The following TEX52 variants were observed in gnomAD, a reference collection of about 807,000 sequenced individuals.
TEX52 encodes testis-expressed protein 52.
A neutral mutation model predicts 17.6 loss-of-function variants in TEX52; 22 were observed. That is an observed-to-expected ratio of 1.25 (90% CI 0.89 to 1.78). The LOEUF (loss-of-function observed/expected upper bound fraction) is 1.78, where lower values mean the gene tolerates loss of function less well. Among genes scored for constraint, TEX52 ranks in the 40% most tolerant of loss-of-function variants. The pLI is 0.00. For synonymous variants in TEX52, 168 were observed against 147.4 expected (o/e 1.14, Z -1.01); for missense variants, 396 against 372.3 (o/e 1.06, Z -0.52).
downstream of TEX52, among the ~76,000 whole-genome samples, chr12:2,848,169 G>T (rs1182525240): frequency 6.6e-6 from 1 of 152,220 alleles, no homozygotes; most frequent in Non-Finnish European, 1.5e-5. Flanking sequence ...ATTCCCAGGT[G>T]CCTGCAGGGC....
intron 2 of TEX52, among the ~76,000 whole-genome samples, chr12:2,851,635 G>A (rs1049311074): frequency 1.4e-5 from 2 of 143,422 alleles, no homozygotes; most frequent in East Asian, 4.3e-4. Flanking sequence ...GAGCCACCAC[G>A]CCCGGCCGCT....
chr12:2,854,585 C>CT (rs960410363), intron 2 of TEX52, among the ~76,000 whole-genome samples: 64 of 152,278 alleles, frequency 4.2e-4, no homozygotes, highest in Middle Eastern at 3.4e-3. Context: ...CATGTGTAGC[C>CT]TTTTTTTGAT....
chr12:2,848,519 T>C (rs991212269), downstream of TEX52, among the ~76,000 whole-genome samples: 1 of 152,148 alleles, frequency 6.6e-6, no homozygotes, highest in Non-Finnish European at 1.5e-5. Context: ...CAACAGGGTG[T>C]GGAGAGGCCG....
chr12:2,855,148 A>G lies in TEX52; in HGVS notation c.371T>C (p.Leu124Pro). Residue 124 changes from leucine to proline, a missense_variant, in exon 2 of 3, where the codon CTG becomes CCG. Leu to Pro is a moderately conservative substitution (Grantham distance 98). Coordinates refer to ENST00000637658, the MANE Select transcript of TEX52 (RefSeq NM_001365174.2). The stretch of plus-strand genomic sequence containing the variant: ...GCATCTGTGGGCATTGGAGTCGGTC[A>G]GCCAGCGCCAGACATTGCTATCGTA... ...RPYDSNVWRW[L>P]TDSNAHRCPP... 6.5e-7 allele frequency: 1 copy of G among 1,528,770 alleles called. No individual in the cohort carries two copies. Among genetic ancestry groups the G allele is most frequent in the East Asian group, 2.5e-5 (1 of 40,738 alleles). 94.7% of individuals were successfully genotyped at this position (1,528,770 alleles called of 1,614,324 possible).
rs567499696 is a variant in TEX52 at position 2,855,241 on chromosome 12, C to T, written c.278G>A (p.Trp93Ter). The stretch of plus-strand genomic sequence containing the variant: ...CACATCGAGCCACGTGTGAAAGCCC[C>T]AGGTGTGCTGGGCGCCACCCTTCCA... Reference protein sequence around the residue: ...HPWKGGAQHTWGFHTWLDVCR... With the variant: ...HPWKGGAQHT Residue 93 changes from tryptophan (W) to a stop codon, truncating the protein, a stop_gained, in exon 2 of 3, where the codon TGG becomes TAG. Transcript: ENST00000637658. LOFTEE classifies it high-confidence loss of function. The T allele has an allele frequency of 1.6e-5, 24 of 1,508,042 alleles. No individual in the cohort carries two copies. The South Asian group carries it at 3.0e-4, about 19-fold the overall frequency. The allele number at this position is 1,508,042 out of a possible 1,614,324, so 93.4% of individuals were successfully genotyped here.
chr12:2,854,695 T>C (rs925461637), intron 2 of TEX52, among the ~76,000 whole-genome samples: 2 of 152,186 alleles, frequency 1.3e-5, no homozygotes, highest in East Asian at 1.9e-4. Context: ...CCCCCAGATT[T>C]TAGTGAAACT....
rs760686425 is a variant in TEX52 at position 2,855,336 on chromosome 12, G to T, written c.183C>A (p.His61Gln). 2 of 1,532,258 alleles carry T rather than the reference G, an allele frequency of 1.3e-6. No individual in the cohort carries two copies. The highest frequency in any genetic ancestry group is 2.4e-5 in the South Asian group (2 of 83,910). The allele number at this position is 1,532,258 out of a possible 1,614,324, so 94.9% of individuals were successfully genotyped here. A position where few individuals can be genotyped will look rare whatever the true frequency, so the allele number is the denominator to read the frequency against. ...AGGGCGGCAGCTTCAGAGCCAGCTG[G>T]TGGTAGGCTTGCCGGGTGAAGCCAG... Reference protein sequence around the residue: ...EFPGFTRQAYHQLALKLPPCT... With the variant: ...EFPGFTRQAYQQLALKLPPCT... Residue 61 changes from histidine to glutamine, a missense_variant, in exon 2 of 3, where the codon CAC becomes CAA. Transcript: ENST00000637658.
At chr12:2,855,661 G>T (rs573603491) in intron 1 of TEX52, among the ~76,000 whole-genome samples, 2 of 152,248 alleles carry the variant, frequency 1.3e-5, no homozygotes, top group African/African-American at 4.8e-5. Flanking sequence ...CTCATCTTTT[G>T]ATCTCTTGCC....
intron 1 of TEX52, among the ~76,000 whole-genome samples, chr12:2,856,342 C>T (rs1029279100): frequency 6.6e-6 from 1 of 152,120 alleles, no homozygotes; most frequent in African/African-American, 2.4e-5. Flanking sequence ...TTTTAAAATG[C>T]TTCGCCCTCC....
chr12:2,855,091 G>T lies in TEX52; in HGVS notation c.428C>A (p.Ser143Tyr), dbSNP rs1270975620. 1 of 1,535,932 alleles carries T rather than the reference G, an allele frequency of 6.5e-7. No homozygotes were observed. Among genetic ancestry groups the T allele is most frequent in the Non-Finnish European group, 8.7e-7 (1 of 1,146,784 alleles). Residue 143 changes from serine to tyrosine, a missense_variant, in exon 2 of 3, where the codon TCC becomes TAC. Transcript: ENST00000637658. ...CAGGAAGCTGTTTTGCCCCATCCAG[G>T]AGGGAGGGGGGATGGGGTGCTCCGT... ...PPTEHPIPPP[S>Y]WMGQNSFLTF...
intron 1 of TEX52, 53 bp from the exon 2 acceptor site, chr12:2,855,499 AAAGGTGGGT>A: frequency 7.5e-7 from 1 of 1,340,250 alleles, no homozygotes; most frequent in South Asian, 1.8e-5. Context: ...AGGGGTGCAG[AAAGGTGGGT>A]GAGGCACTCC....
chr12:2,853,550 G>T lies in TEX52; in HGVS notation c.623+1346C>A, dbSNP rs140541808. ...GGCCTCCCAAAGTGCTGGGATTACA[G>T]GCGTGAGCCACCAGGCCCGGCCTGT... On this transcript the variant is annotated intron_variant, in intron 2 of 2. Coordinates refer to ENST00000637658, the MANE Select transcript of TEX52 (RefSeq NM_001365174.2). Among the ~76,000 whole-genome samples, 1,131 of 152,222 alleles carry T rather than the reference G, an allele frequency of 7.4e-3. 15 individuals are homozygous for T. The highest frequency in any genetic ancestry group is 0.026 in the African/African-American group (1,087 of 41,546).
chr12:2,850,534 A>G (rs759699227), intron 2 of TEX52, among the ~76,000 whole-genome samples: 5 of 151,550 alleles, frequency 3.3e-5, no homozygotes, highest in Non-Finnish European at 5.9e-5. Context: ...CCAGGTTTAC[A>G]TGTAAATGTT....
At chr12:2,856,813 A>C in intron 1 of TEX52, 142 bp downstream of exon 1, 1 of 635,384 alleles carries the variant, frequency 1.6e-6, no homozygotes, top group Admixed American at 2.5e-5. Flanking sequence ...TCCTAGTGTC[A>C]TAGGATGAAA....
Position 2,855,091 on chromosome 12 carries a change from G to A in TEX52, c.428C>T (p.Ser143Phe). 1 of 1,535,932 alleles carries A rather than the reference G, an allele frequency of 6.5e-7. No homozygotes were observed. The highest frequency in any genetic ancestry group is 1.2e-5 in the South Asian group (1 of 84,060). The change falls in exon 2 of 3, where the codon TCC becomes TTC. Residue 143 changes from serine to phenylalanine, a missense_variant. Ser to Phe is a radical substitution (Grantham distance 155). Transcript: ENST00000637658. ...CAGGAAGCTGTTTTGCCCCATCCAG[G>A]AGGGAGGGGGGATGGGGTGCTCCGT... Reference protein sequence around the residue: ...PPTEHPIPPPSWMGQNSFLTF... With the variant: ...PPTEHPIPPPFWMGQNSFLTF...
At position 2,855,362 on chromosome 12, in the gene TEX52, G is replaced by C; in HGVS notation, c.157C>G (p.Pro53Ala). 1 of 1,507,316 alleles carries C rather than the reference G, an allele frequency of 6.6e-7. No homozygotes were observed. The allele number at this position is 1,507,316 out of a possible 1,614,324, so 93.4% of individuals were successfully genotyped here. A position where few individuals can be genotyped will look rare whatever the true frequency, so the allele number is the denominator to read the frequency against. The change falls in exon 2 of 3, where the codon CCT becomes GCT. Residue 53 changes from proline to alanine, a missense_variant. Physicochemically the swap from Pro to Ala is conservative, Grantham distance 27. Coordinates refer to ENST00000637658, the MANE Select transcript of TEX52 (RefSeq NM_001365174.2). ...TGGTAGGCTTGCCGGGTGAAGCCAGGGAACTCCCAGGACTCGCTGGGGAGG... is the reference window on the plus strand; with the variant it reads ...TGGTAGGCTTGCCGGGTGAAGCCAGCGAACTCCCAGGACTCGCTGGGGAGG... ...FFLPSESWEFPGFTRQAYHQL... is the reference protein window; with the variant it reads ...FFLPSESWEFAGFTRQAYHQL...
chr12:2,851,814 G>A (rs1225818734), intron 2 of TEX52, among the ~76,000 whole-genome samples: 2 of 152,098 alleles, frequency 1.3e-5, no homozygotes, highest in Non-Finnish European at 2.9e-5. Context: ...CAGTAGCTGG[G>A]ATTACAGGCA....
In TEX52 at chr12:2,855,394, TCACGCTGAGCCCA is replaced by T. The variant is rs1205558356; in HGVS notation, c.112_124del (p.Trp38SerfsTer24). 2.0e-6 allele frequency: 1 copy of T among 489,270 alleles called. No individual in the cohort carries two copies. Among genetic ancestry groups the T allele is most frequent in the African/African-American group, 2.1e-5 (1 of 47,748 alleles). The allele number at this position is 489,270 out of a possible 1,614,324, so 30.3% of individuals were successfully genotyped here. A position where few individuals can be genotyped will look rare whatever the true frequency, so the allele number is the denominator to read the frequency against. ...CCAGGACTCGCTGGGGAGGAAGAAC[TCACGCTGAGCCCA>T]CGTTTGGGAGGGTGGGAGGGACTCG... On this transcript the variant is annotated frameshift_variant, in exon 2 of 3. Transcript: ENST00000637658. LOFTEE classifies it high-confidence loss of function.
At chr12:2,849,623 A>G in intron 2 of TEX52, 98 bp from the exon 3 acceptor site, 1 of 1,369,072 alleles carries the variant, frequency 7.3e-7, no homozygotes, top group Non-Finnish European at 9.9e-7. Flanking sequence ...CGCTGTCCAC[A>G]AGCTAGTTAG....
Sources: gnomAD v4.1 joint callset for allele counts (sites outside exome capture counted in the v4.1 genomes callset) on GRCh38, gnomAD v4.1.1 for gene constraint, MANE v1.5 for transcripts, NCBI Gene and HGNC (gene_info 2026-07-23, HGNC 2026-07-21) for gene names.